The following NDUFAF2 variants were observed in gnomAD, a reference collection of about 807,000 sequenced individuals.
NDUFAF2 encodes the protein NADH dehydrogenase [ubiquinone] 1 alpha subcomplex assembly factor 2.
A neutral mutation model predicts 22.8 loss-of-function variants in NDUFAF2; 13 were observed. The ratio of observed to expected loss-of-function variants is 0.57; its 90% confidence interval spans 0.37 to 0.91. The LOEUF (loss-of-function observed/expected upper bound fraction) is 0.91. Among genes scored for constraint, NDUFAF2 ranks in the 40% least tolerant of loss-of-function variants. The probability of loss-of-function intolerance (pLI) is 0.01; values close to 1 mark genes in which losing one functional copy is unlikely to be tolerated. For synonymous variants in NDUFAF2, 53 were observed against 64.2 expected, an observed-to-expected ratio of 0.83 and a Z score of 0.84; for missense variants, 162 against 195.2, an observed-to-expected ratio of 0.83 and a Z score of 1.01.
At chr5:61,009,457 A>C (rs1751415592) in intron 1 of NDUFAF2, among the ~76,000 whole-genome samples, 1 of 152,118 alleles carries the variant, frequency 6.6e-6, no homozygotes, top group Non-Finnish European at 1.5e-5. Context: ...TGGACTGCCC[A>C]GATTTATAGC....
intron 1 of NDUFAF2, among the ~76,000 whole-genome samples, chr5:61,024,067 A>T (rs1461374583): frequency 6.6e-6 from 1 of 152,094 alleles, no homozygotes; most frequent in Non-Finnish European, 1.5e-5. Flanking sequence ...TTTTGAAAGT[A>T]TTTTATCCAG....
chr5:61,052,389 C>G (rs1752035256), intron 1 of NDUFAF2, among the ~76,000 whole-genome samples: 1 of 152,140 alleles, frequency 6.6e-6, no homozygotes, highest in Non-Finnish European at 1.5e-5. Context: ...CTGCTTACTG[C>G]AAGCTCCGCC....
At chr5:60,957,227 G>A (rs1445588380) in intron 1 of NDUFAF2, among the ~76,000 whole-genome samples, 1 of 152,050 alleles carries the variant, frequency 6.6e-6, no homozygotes, top group Non-Finnish European at 1.5e-5. Flanking sequence ...ACTTTTTACA[G>A]TTATACTTGT....
chr5:61,052,953 A>G (rs1752043675), intron 1 of NDUFAF2, among the ~76,000 whole-genome samples: 1 of 152,258 alleles, frequency 6.6e-6, no homozygotes, highest in South Asian at 2.1e-4. Flanking sequence ...AACTACCTTT[A>G]GCAGCTCCAT....
chr5:60,990,952 C>T (rs1436317851), intron 1 of NDUFAF2, among the ~76,000 whole-genome samples: 2 of 152,100 alleles, frequency 1.3e-5, no homozygotes, highest in Admixed American at 1.3e-4. Context: ...TAGCCCAAAG[C>T]TCCTACGAAC....
At chr5:61,131,134 T>C (rs1008368156) in intron 3 of NDUFAF2, among the ~76,000 whole-genome samples, 5 of 152,066 alleles carry the variant, frequency 3.3e-5, no homozygotes, top group Admixed American at 2.0e-4. Flanking sequence ...ATTGACAAAG[T>C]TGTGGGGAAA....
At chr5:60,978,515 A>G (rs1750933404) in intron 1 of NDUFAF2, among the ~76,000 whole-genome samples, 1 of 152,294 alleles carries the variant, frequency 6.6e-6, no homozygotes, top group Non-Finnish European at 1.5e-5. Flanking sequence ...AGGAGCAAGC[A>G]GTTGGGGGAG....
intron 1 of NDUFAF2, among the ~76,000 whole-genome samples, chr5:61,006,354 A>G (rs1204524405): frequency 6.6e-6 from 1 of 152,128 alleles, no homozygotes; most frequent in Non-Finnish European, 1.5e-5. Context: ...GCCTTGTAGT[A>G]TAGTTTGAAG....
At chr5:61,043,845 T>C (rs1163636699) in intron 1 of NDUFAF2, among the ~76,000 whole-genome samples, 1 of 152,144 alleles carries the variant, frequency 6.6e-6, no homozygotes, top group East Asian at 1.9e-4. Context: ...AGTACACTGA[T>C]TTCATGTCCT....
chr5:60,965,381 A>G (rs747710576), intron 1 of NDUFAF2, among the ~76,000 whole-genome samples: 12 of 152,130 alleles, frequency 7.9e-5, no homozygotes, highest in Non-Finnish European at 1.8e-4. Context: ...TTGTGGTGAG[A>G]ACACTTAAGA....
At chr5:60,953,061 A>G (rs1750569221) in intron 1 of NDUFAF2, among the ~76,000 whole-genome samples, 1 of 152,142 alleles carries the variant, frequency 6.6e-6, no homozygotes, top group African/African-American at 2.4e-5. Context: ...ATTTGAAGAA[A>G]TAATGGCCAA....
chr5:61,078,993 AT>A (rs971165682), intron 2 of NDUFAF2, among the ~76,000 whole-genome samples: 5 of 152,146 alleles, frequency 3.3e-5, no homozygotes, highest in Non-Finnish European at 7.4e-5. Context: ...AGTAATAAAC[AT>A]TTTTTATGAG....
chr5:61,092,405 T>C (rs1403544716), intron 2 of NDUFAF2, among the ~76,000 whole-genome samples: 2 of 152,172 alleles, frequency 1.3e-5, no homozygotes, highest in African/African-American at 4.8e-5. Context: ...CAGTGGTTTG[T>C]AGTTCTCCTT....
intron 3 of NDUFAF2, among the ~76,000 whole-genome samples, chr5:61,112,089 T>C (rs1473230546): frequency 6.6e-6 from 1 of 152,144 alleles, no homozygotes; most frequent in Admixed American, 6.6e-5. Context: ...TCTGTCTCTT[T>C]AGCTCTAATA....
At chr5:60,986,251 C>T (rs1751074044) in intron 1 of NDUFAF2, among the ~76,000 whole-genome samples, 1 of 152,114 alleles carries the variant, frequency 6.6e-6, no homozygotes, top group Non-Finnish European at 1.5e-5. Context: ...GCTAAGTGTC[C>T]ATCAAGAGAT....
chr5:61,122,108 G>A (rs960002835), intron 3 of NDUFAF2, among the ~76,000 whole-genome samples: 1 of 152,108 alleles, frequency 6.6e-6, no homozygotes, highest in African/African-American at 2.4e-5. Context: ...TGGGATTACA[G>A]GCATGAGCCA....
intron 2 of NDUFAF2, among the ~76,000 whole-genome samples, chr5:61,077,453 T>C (rs1315924963): frequency 2.6e-5 from 4 of 152,286 alleles, no homozygotes; most frequent in South Asian, 2.1e-4. Flanking sequence ...ACAAAAATAG[T>C]TCTGTAGAGT....
intron 1 of NDUFAF2, among the ~76,000 whole-genome samples, chr5:61,008,225 C>T (rs985353603): frequency 1.9e-4 from 29 of 151,440 alleles, no homozygotes; most frequent in Admixed American, 7.2e-4. Flanking sequence ...ATGGGTGCAG[C>T]GCACCAGCAT....
chr5:61,057,264 G>T (rs144201909), intron 1 of NDUFAF2, among the ~76,000 whole-genome samples: 1 of 152,040 alleles, frequency 6.6e-6, no homozygotes, highest in Admixed American at 6.6e-5. Flanking sequence ...CTTAAATCAA[G>T]TTCTAGCTTT....
Sources: gnomAD v4.1 joint callset for allele counts (sites outside exome capture counted in the v4.1 genomes callset) on GRCh38, gnomAD v4.1.1 for gene constraint, MANE v1.5 for transcripts, NCBI Gene and HGNC (gene_info 2026-07-23, HGNC 2026-07-21) for gene names.